The following NPHP1 variants were observed in gnomAD, a reference collection of about 807,000 sequenced individuals.
NPHP1 encodes the protein nephrocystin-1.
A neutral mutation model predicts 90.4 loss-of-function variants in NPHP1; 70 were observed. The observed-to-expected ratio is 0.77, with a 90% CI of 0.64 to 0.95. The LOEUF is 0.95. Ranked by LOEUF, NPHP1 falls within the 40% of genes least tolerant of loss-of-function variation. NPHP1 has a pLI of 0.00. For synonymous variants in NPHP1, 256 were observed against 271.7 expected, an observed-to-expected ratio of 0.94 and a Z score of 0.57; for missense variants, 764 against 795.9, an observed-to-expected ratio of 0.96 and a Z score of 0.48.
At chr2:110,130,381 A>G (rs1679694531) in intron 17 of NPHP1, among the ~76,000 whole-genome samples, 1 of 152,198 alleles carries the variant, frequency 6.6e-6, no homozygotes, top group Non-Finnish European at 1.5e-5. Flanking sequence ...CTTCTTACCT[A>G]TTGGGAAAAC....
At chr2:110,130,348 T>C (rs891714437) in intron 17 of NPHP1, among the ~76,000 whole-genome samples, 3 of 152,184 alleles carry the variant, frequency 2.0e-5, no homozygotes, top group Non-Finnish European at 4.4e-5. Context: ...TAAATTCAAA[T>C]GAAGTCAACA....
chr2:110,125,129 C>T, intron 19 of NPHP1: 1 of 1,445,158 alleles, frequency 6.9e-7, no homozygotes, highest in Non-Finnish European at 9.1e-7. Flanking sequence ...AGAAGATTTT[C>T]CATCTATAGC....
intron 1 of NPHP1, among the ~76,000 whole-genome samples, chr2:110,203,804 G>T (rs937234893): frequency 2.8e-4 from 40 of 144,268 alleles, no homozygotes; most frequent in Non-Finnish European, 5.1e-4. Flanking sequence ...TTTTTAAAAA[G>T]TTTTTTTTTT....
In NPHP1 at chr2:110,146,739, T is replaced by C. The variant is rs1439367484; in HGVS notation, c.1352+14A>G. 6.3e-7 allele frequency: 1 copy of C among 1,582,968 alleles called. No individual in the cohort carries two copies. The highest frequency in any genetic ancestry group is 1.1e-5 in the South Asian group (1 of 90,488). On this transcript the variant is annotated intron_variant, in intron 14 of 19. Transcript: ENST00000445609. The stretch of plus-strand genomic sequence containing the variant: ...CAGAAGTATTCATTCGTTAGGAATA[T>C]ATAGCCAACTTACTTTGCTGGAATA...
rs749094332 is a variant in NPHP1, at chr2:110,169,989, T to A, written c.339A>T (p.Ala113=). ...ISRENITEVG[A]PTEEEEESES... ...CACTTTCTTCCTCTTCTTCAGTAGG[T>A]GCCCCAACTCTACAAAAAGTGTTTC... The change falls in exon 5 of 20, where the codon GCA becomes GCT. Residue 113 remains alanine, a synonymous_variant. Coordinates refer to ENST00000445609, the MANE Select transcript of NPHP1 (RefSeq NM_001128178.3). 1.9e-5 allele frequency: 30 copies of A among 1,612,718 alleles called. No homozygotes were observed. Among genetic ancestry groups the A allele is most frequent in the Non-Finnish European group, 2.5e-5 (29 of 1,178,964 alleles).
intron 5 of NPHP1, among the ~76,000 whole-genome samples, chr2:110,168,956 T>C (rs1682914823): frequency 6.6e-6 from 1 of 152,160 alleles, no homozygotes; most frequent in Non-Finnish European, 1.5e-5. Context: ...AGAATATCAA[T>C]TCCATTAAAG....
chr2:110,204,904 T>C lies in NPHP1; in HGVS notation c.65A>G (p.Gln22Arg). The change falls in exon 1 of 20, where the codon CAA becomes CGA. Residue 22 changes from glutamine (Q) to arginine (R), a missense_variant. Physicochemically the swap from Gln to Arg is conservative, Grantham distance 43. Transcript: ENST00000445609. The part of the protein sequence containing the change: ...ALRRRNQELK[Q>R]QVDSLLSESQ... ...CTCTGCACAGCCTGACCATACCTGT[T>C]GCTTCAGCTCCTGATTGCGGCGCCG... 6.2e-7 allele frequency: 1 copy of C among 1,613,948 alleles called. No homozygotes were observed. The highest frequency in any genetic ancestry group is 1.1e-5 in the South Asian group (1 of 91,080).
At chr2:110,159,809 T>C (rs1365433053) in intron 11 of NPHP1, among the ~76,000 whole-genome samples, 1 of 152,092 alleles carries the variant, frequency 6.6e-6, no homozygotes, top group African/African-American at 2.4e-5. Context: ...ATCTGTATTA[T>C]TTCCCACTTT....
intron 11 of NPHP1, among the ~76,000 whole-genome samples, chr2:110,151,801 C>T (rs943871491): frequency 3.3e-5 from 5 of 152,128 alleles, no homozygotes; most frequent in African/African-American, 4.8e-5. Context: ...GGTTCTTCTT[C>T]GTTTTTCAAG....
intron 18 of NPHP1, 74 bp downstream of exon 18, chr2:110,129,112 C>CCAGATGAA (rs2104428312): frequency 1.8e-6 from 2 of 1,135,658 alleles, no homozygotes; most frequent in East Asian, 2.4e-5. Flanking sequence ...AAGGCCTAGA[C>CCAGATGAA]AGAACTCATT....
At chr2:110,154,853 C>A (rs1025493377) in intron 11 of NPHP1, among the ~76,000 whole-genome samples, 1 of 152,026 alleles carries the variant, frequency 6.6e-6, no homozygotes, top group Non-Finnish European at 1.5e-5. Flanking sequence ...CCTGACAATG[C>A]GATAGAAAAG....
At chr2:110,192,179 G>C (rs570166947) in intron 2 of NPHP1, among the ~76,000 whole-genome samples, 1 of 152,328 alleles carries the variant, frequency 6.6e-6, no homozygotes, top group Non-Finnish European at 1.5e-5. Flanking sequence ...TGAGTTGAGA[G>C]AAGAAGGCTT....
chr2:110,180,281 T>G (rs961001800), intron 2 of NPHP1, among the ~76,000 whole-genome samples: 1 of 151,832 alleles, frequency 6.6e-6, no homozygotes, highest in African/African-American at 2.4e-5. Flanking sequence ...AGGTCCAGAG[T>G]TTTATTTATT....
chr2:110,201,918 C>A (rs1685600927), intron 1 of NPHP1, among the ~76,000 whole-genome samples: 1 of 152,160 alleles, frequency 6.6e-6, no homozygotes, highest in East Asian at 1.9e-4. Flanking sequence ...CTAGTAAGTT[C>A]CCTCATGCCC....
chr2:110,166,378 C>T (rs563542526), intron 6 of NPHP1, among the ~76,000 whole-genome samples: 22 of 152,022 alleles, frequency 1.4e-4, no homozygotes, highest in African/African-American at 4.8e-4. Flanking sequence ...TAACAATGAT[C>T]CAGTTAAAAG....
intron 6 of NPHP1, among the ~76,000 whole-genome samples, chr2:110,165,989 C>T (rs1682703352): frequency 1.3e-5 from 2 of 152,094 alleles, no homozygotes; most frequent in South Asian, 4.1e-4. Context: ...GGTCATAAAG[C>T]ATATGAGATG....
chr2:110,141,466 C>T (rs1355524253), intron 16 of NPHP1, among the ~76,000 whole-genome samples: 1 of 152,012 alleles, frequency 6.6e-6, no homozygotes, highest in African/African-American at 2.4e-5. Context: ...TAGGAGGGTA[C>T]TGAGTGAGAA....
intron 11 of NPHP1, among the ~76,000 whole-genome samples, chr2:110,157,066 C>T (rs1339539730): frequency 6.6e-6 from 1 of 152,094 alleles, no homozygotes; most frequent in Non-Finnish European, 1.5e-5. Flanking sequence ...TGAGCCACTG[C>T]GCCCAGCCCA....
At chr2:110,180,808 A>C (rs13025474) in intron 2 of NPHP1, among the ~76,000 whole-genome samples, 1 of 152,088 alleles carries the variant, frequency 6.6e-6, no homozygotes, top group Non-Finnish European at 1.5e-5. Context: ...TCTCCCACGG[A>C]TCTCTGCAAC....
Sources: allele counts gnomAD v4.1 joint callset (sites outside exome capture counted in the v4.1 genomes callset), GRCh38; gene constraint gnomAD v4.1.1; transcripts MANE v1.5; gene names NCBI Gene and HGNC (gene_info 2026-07-23, HGNC 2026-07-21).